Variants in BAIAP2 observed in about 807,000 individuals in gnomAD.
BAIAP2 encodes BAR/IMD domain-containing adapter protein 2.
BAIAP2 carries 18 observed loss-of-function variants against 63.0 expected under a neutral mutation model. The observed-to-expected ratio is 0.29, with a 90% CI of 0.20 to 0.42. The LOEUF is 0.42. Among genes scored for constraint, BAIAP2 ranks in the 10% least tolerant of loss-of-function variants. The pLI, the probability that BAIAP2 is intolerant of heterozygous loss-of-function variation, is 1.00. For missense variants in BAIAP2, 610 were observed against 734.3 expected, an observed-to-expected ratio of 0.83 and a Z score of 1.96; for synonymous variants, 386 against 307.6, an observed-to-expected ratio of 1.25 and a Z score of -2.67.
intron 11 of BAIAP2, 29 bp downstream of exon 11, chr17:81,106,175 G>T: frequency 1.3e-6 from 2 of 1,559,438 alleles, no homozygotes; most frequent in Non-Finnish European, 1.7e-6. Flanking sequence ...GGGAGTGTAA[G>T]ATCCCCAGCT....
intron 10 of BAIAP2, chr17:81,105,759 A>T (rs942051673): frequency 6.6e-5 from 19 of 288,238 alleles, no homozygotes; most frequent in African/African-American, 4.2e-4. Context: ...TCTTGGTGCC[A>T]TCCGTGGCTT....
intron 3 of BAIAP2, among the ~76,000 whole-genome samples, chr17:81,084,288 T>C (rs8070693): frequency 0.06 from 9,178 of 152,116 alleles, 381 homozygotes; most frequent in Non-Finnish European, 0.098. Context: ...AGCGGAGATG[T>C]TGGGTGAAGG....
chr17:81,085,242 C>T, intron 4 of BAIAP2: 1 of 499,284 alleles, frequency 2.0e-6, no homozygotes, highest in Non-Finnish European at 3.7e-6. Context: ...GAGGCAGACC[C>T]CACACAACCA....
At chr17:81,045,240 G>GC (rs144536399) in intron 1 of BAIAP2, among the ~76,000 whole-genome samples, 158 of 152,312 alleles carry the variant, frequency 1.0e-3, no homozygotes, top group African/African-American at 3.8e-3. Context: ...CAGAGGGCGT[G>GC]CAGGTGTCCA....
intron 7 of BAIAP2, among the ~76,000 whole-genome samples, chr17:81,101,275 C>T (rs975970814): frequency 1.3e-5 from 2 of 152,110 alleles, no homozygotes; most frequent in South Asian, 2.1e-4. Flanking sequence ...GGACGGGCTG[C>T]AGCAGCCCCC....
chr17:81,108,786 A>G (rs2059499945), intron 13 of BAIAP2: 3 of 1,059,016 alleles, frequency 2.8e-6, no homozygotes, highest in African/African-American at 3.2e-5. Context: ...GCTGGCATCC[A>G]TGGCTGGGGC....
chr17:81,103,207 G>A (rs1019006528), intron 7 of BAIAP2, among the ~76,000 whole-genome samples: 1 of 152,220 alleles, frequency 6.6e-6, no homozygotes, highest in Non-Finnish European at 1.5e-5. Context: ...GTCCCTGTCC[G>A]TTCCTCCTTC....
At chr17:81,077,710 G>T (rs969272996) in intron 3 of BAIAP2, among the ~76,000 whole-genome samples, 3 of 152,276 alleles carry the variant, frequency 2.0e-5, no homozygotes, top group Non-Finnish European at 4.4e-5. Flanking sequence ...GTGGCTGTGG[G>T]AGCGGGTGCC....
chr17:81,079,970 C>G (rs565933394), intron 3 of BAIAP2, among the ~76,000 whole-genome samples: 1 of 152,276 alleles, frequency 6.6e-6, no homozygotes, highest in South Asian at 2.1e-4. Flanking sequence ...AGCCCGAGAA[C>G]GCATGGCCTC....
intron 3 of BAIAP2, among the ~76,000 whole-genome samples, chr17:81,068,199 C>T (rs1022957731): frequency 6.6e-6 from 1 of 152,228 alleles, no homozygotes; most frequent in Non-Finnish European, 1.5e-5. Context: ...GCGGCCTCTG[C>T]TCCTGTTTGC....
At chr17:81,073,413 G>A (rs1218481817) in intron 3 of BAIAP2, among the ~76,000 whole-genome samples, 1 of 152,214 alleles carries the variant, frequency 6.6e-6, no homozygotes, top group Non-Finnish European at 1.5e-5. Flanking sequence ...CCTTCTTCCT[G>A]GGAGCAGTCA....
chr17:81,108,792 G>T, intron 13 of BAIAP2: 1 of 1,093,440 alleles, frequency 9.1e-7, no homozygotes, highest in East Asian at 2.6e-5. Flanking sequence ...ATCCATGGCT[G>T]GGGCTGCAGC....
chr17:81,070,388 T>C (rs1051208623), intron 3 of BAIAP2, among the ~76,000 whole-genome samples: 2 of 152,228 alleles, frequency 1.3e-5, no homozygotes, highest in Non-Finnish European at 2.9e-5. Flanking sequence ...TTGAATGTGC[T>C]CTGCCGGGCA....
rs565550325 is a variant in BAIAP2, at chr17:81,082,384, G to A, written c.218-2448G>A. 4.6e-5 allele frequency among the ~76,000 whole-genome samples: 7 copies of A among 152,266 alleles called. No individual in the cohort carries two copies. In the South Asian group the frequency reaches 8.3e-4, roughly 18 times the overall value. ...TTCCTCACGCTGAATCCCTCTTCAC[G>A]GTGGCCAGGCCCAGGCATGTCATCT... On this transcript the variant is annotated intron_variant, in intron 3 of 13. Transcript: ENST00000428708.
intron 3 of BAIAP2, among the ~76,000 whole-genome samples, chr17:81,073,722 A>G (rs900752715): frequency 1.3e-5 from 2 of 152,202 alleles, no homozygotes; most frequent in Admixed American, 6.5e-5. Context: ...TCACTCGCAG[A>G]CTATAAGAAC....
intron 7 of BAIAP2, among the ~76,000 whole-genome samples, 184 bp downstream of exon 7, chr17:81,100,264 A>AT (rs2058308801): frequency 6.6e-6 from 1 of 152,166 alleles, no homozygotes; most frequent in South Asian, 2.1e-4. Context: ...GGGTGCAGGC[A>AT]TTTTGAAGAC....
At chr17:81,050,583 T>C (rs1279289276) in intron 1 of BAIAP2, among the ~76,000 whole-genome samples, 2 of 152,120 alleles carry the variant, frequency 1.3e-5, no homozygotes, top group Non-Finnish European at 2.9e-5. Flanking sequence ...GTGGGGGTCA[T>C]GGTCCTGGAG....
At chr17:81,072,751 C>T (rs989255471) in intron 3 of BAIAP2, among the ~76,000 whole-genome samples, 5 of 151,994 alleles carry the variant, frequency 3.3e-5, no homozygotes, top group African/African-American at 4.8e-5. Flanking sequence ...CTGACCTCTT[C>T]GCCCAGCGTC....
chr17:81,096,977 AGAGGAGGAG>A (rs202204731), intron 6 of BAIAP2, among the ~76,000 whole-genome samples: 1 of 151,808 alleles, frequency 6.6e-6, no homozygotes, highest in Non-Finnish European at 1.5e-5. Flanking sequence ...AGGAGAAAGG[AGAGGAGGAG>A]GAGGAGGAGG....
Sources: gnomAD v4.1 joint callset for allele counts (sites outside exome capture counted in the v4.1 genomes callset) on GRCh38, gnomAD v4.1.1 for gene constraint, MANE v1.5 for transcripts, NCBI Gene and HGNC (gene_info 2026-07-23, HGNC 2026-07-21) for gene names.